The following CTDSPL variants were observed in gnomAD, a reference collection of about 807,000 sequenced individuals.
CTDSPL encodes the protein CTD small phosphatase like, also known as CTD small phosphatase-like protein.
In CTDSPL, 8 loss-of-function variants were observed where a neutral mutation model predicts 30.5. The ratio of observed to expected loss-of-function variants is 0.26; its 90% CI spans 0.15 to 0.47. The LOEUF is 0.47. Among genes scored for constraint, CTDSPL ranks in the 20% least tolerant of loss-of-function variants. The pLI, the probability that CTDSPL is intolerant of heterozygous loss-of-function variation, is 0.99. For synonymous variants in CTDSPL, 110 were observed against 137.9 expected, an observed-to-expected ratio of 0.80 and a Z score of 1.42; for missense variants, 248 against 366.1, an observed-to-expected ratio of 0.68 and a Z score of 2.63.
In CTDSPL at chr3:37,908,762, G is replaced by A. The variant is rs1281826747; in HGVS notation, c.80-38295G>A. On this transcript the variant is annotated intron_variant, in intron 1 of 7. Transcript: ENST00000273179. ...AACAATTTACACTTCCACTAGCAGT[G>A]TGTTCTTGGACCGGCATTGTGTTCT... Among the ~76,000 whole-genome samples the A allele has an allele frequency of 2.6e-5, 4 of 152,226 alleles. No homozygotes were observed. In the East Asian group the frequency reaches 7.7e-4, roughly 29 times the overall value.
chr3:37,940,825 A>G (rs1698969810), intron 1 of CTDSPL, among the ~76,000 whole-genome samples: 1 of 150,286 alleles, frequency 6.7e-6, no homozygotes, highest in Non-Finnish European at 1.5e-5. Context: ...AAAATGTCAG[A>G]TGTCCACTAC....
chr3:37,877,357 T>A (rs1239428307), intron 1 of CTDSPL, among the ~76,000 whole-genome samples: 1 of 152,208 alleles, frequency 6.6e-6, no homozygotes, highest in Non-Finnish European at 1.5e-5. Context: ...TCATACAGTA[T>A]TTTTTTGTGA....
chr3:37,922,507 C>T (rs1341313955), intron 1 of CTDSPL, among the ~76,000 whole-genome samples: 1 of 152,156 alleles, frequency 6.6e-6, no homozygotes, highest in Non-Finnish European at 1.5e-5. Flanking sequence ...CCAGGATCTC[C>T]TATTGCTCCA....
rs138218149 is a variant in CTDSPL, at chr3:37,975,488, C to G, written c.520-221C>G. On this transcript the variant is annotated intron_variant, in intron 6 of 7. Transcript: ENST00000273179. The surrounding 1 kb of genome is among the most constrained non-coding windows in gnomAD (Gnocchi z 4.9). ...ATAGATGCAAATGGAGTCAGGCTAT[C>G]TTTGGAGATGAAACTGACAATTCCT... 8.5e-5 allele frequency among the ~76,000 whole-genome samples: 13 copies of G among 152,318 alleles called. No individual in the cohort carries two copies. The East Asian group carries it at 2.5e-3, about 29-fold the overall frequency.
intron 1 of CTDSPL, among the ~76,000 whole-genome samples, chr3:37,928,926 G>T (rs1575303203): frequency 6.6e-6 from 1 of 152,284 alleles, no homozygotes; most frequent in Middle Eastern, 3.4e-3. Context: ...TTATGCTGAA[G>T]TCTTTAATCC....
intron 3 of CTDSPL, 62 bp downstream of exon 3, chr3:37,957,205 T>C: frequency 3.4e-6 from 4 of 1,192,898 alleles, no homozygotes; most frequent in East Asian, 2.5e-5. Context: ...GCTTTGGGCC[T>C]ACTTATATAA....
intron 1 of CTDSPL, among the ~76,000 whole-genome samples, chr3:37,934,180 A>G (rs905311066): frequency 5.9e-5 from 9 of 152,158 alleles, no homozygotes. Context: ...TCAAAATATT[A>G]GCCAGGAACA....
At chr3:37,973,903 G>A (rs1446064344) in intron 6 of CTDSPL, among the ~76,000 whole-genome samples, 3 of 152,250 alleles carry the variant, frequency 2.0e-5, no homozygotes, top group Admixed American at 6.5e-5. Context: ...GCTACCACAA[G>A]TGTTCATGAT....
chr3:37,907,811 A>G (rs1443302883), intron 1 of CTDSPL, among the ~76,000 whole-genome samples: 3 of 152,254 alleles, frequency 2.0e-5, no homozygotes, highest in African/African-American at 2.4e-5. Flanking sequence ...TACTTTAAGC[A>G]TGTTAGAAAG....
chr3:37,874,234 G>A (rs11721120), intron 1 of CTDSPL, among the ~76,000 whole-genome samples: 39,119 of 152,110 alleles, frequency 0.26, 5,828 homozygotes, highest in African/African-American at 0.4. Context: ...GAAGAACCCC[G>A]TTTGGCATGG....
At chr3:37,931,798 AT>A (rs58871270) in intron 1 of CTDSPL, among the ~76,000 whole-genome samples, 58 of 148,934 alleles carry the variant, frequency 3.9e-4, no homozygotes, top group Middle Eastern at 3.4e-3. Flanking sequence ...AGCTATAACA[AT>A]TTTTTTTTTT....
chr3:37,956,069 G>A (rs761454257), intron 2 of CTDSPL, among the ~76,000 whole-genome samples: 2 of 152,184 alleles, frequency 1.3e-5, no homozygotes, highest in African/African-American at 2.4e-5. Flanking sequence ...AAGACAAGCC[G>A]GAAATCTGAA....
intron 7 of CTDSPL, among the ~76,000 whole-genome samples, chr3:37,979,037 A>G (rs1223500190): frequency 6.6e-6 from 1 of 152,182 alleles, no homozygotes; most frequent in Non-Finnish European, 1.5e-5. Flanking sequence ...TAACATAATT[A>G]TATAATTGAT....
intron 1 of CTDSPL, among the ~76,000 whole-genome samples, chr3:37,911,322 G>T (rs1048882290): frequency 1.3e-5 from 2 of 152,198 alleles, no homozygotes; most frequent in Non-Finnish European, 2.9e-5. Flanking sequence ...ACAAACTAGA[G>T]AAGCTCACAC....
chr3:37,881,374 C>A (rs1254924680), intron 1 of CTDSPL, among the ~76,000 whole-genome samples: 1 of 151,726 alleles, frequency 6.6e-6, no homozygotes, highest in Non-Finnish European at 1.5e-5. Flanking sequence ...ACTAAAAATA[C>A]AAAAATTAGC....
chr3:37,884,992 C>A (rs996172450), intron 1 of CTDSPL, among the ~76,000 whole-genome samples: 1 of 152,074 alleles, frequency 6.6e-6, no homozygotes, highest in Non-Finnish European at 1.5e-5. Context: ...CTTACTGGAA[C>A]TATAAGCCCG....
chr3:37,894,061 A>G (rs750715202), intron 1 of CTDSPL, among the ~76,000 whole-genome samples: 1 of 152,108 alleles, frequency 6.6e-6, no homozygotes, highest in African/African-American at 2.4e-5. Flanking sequence ...TTTTCACTGG[A>G]TATAGAATTC....
intron 1 of CTDSPL, among the ~76,000 whole-genome samples, chr3:37,895,471 C>T (rs1176403317): frequency 1.3e-5 from 2 of 152,164 alleles, no homozygotes; most frequent in Non-Finnish European, 2.9e-5. Context: ...CTGTGATTGT[C>T]CCAAAGTCTG....
chr3:37,926,613 G>A (rs1456993333), intron 1 of CTDSPL, among the ~76,000 whole-genome samples: 1 of 152,156 alleles, frequency 6.6e-6, no homozygotes, highest in Non-Finnish European at 1.5e-5. Context: ...GGAATATTCT[G>A]GATGAACTGG....
Sources: gnomAD v4.1 joint callset for allele counts (sites outside exome capture counted in the v4.1 genomes callset) on GRCh38, gnomAD v4.1.1 for gene constraint, Gnocchi (gnomAD v3.1) non-coding constraint, MANE v1.5 for transcripts, NCBI Gene and HGNC (gene_info 2026-07-23, HGNC 2026-07-21) for gene names.